Variants in MAP2K6 observed in about 807,000 individuals in gnomAD.
The protein encoded by MAP2K6 is mitogen-activated protein kinase kinase 6.
MAP2K6 carries 16 observed loss-of-function variants against 53.7 expected under a neutral mutation model. The observed-to-expected ratio is 0.30, with a 90% confidence interval of 0.20 to 0.45. The LOEUF (loss-of-function observed/expected upper bound fraction) is 0.45, where lower values mean the gene tolerates loss of function less well. Ranked by LOEUF, MAP2K6 falls within the 20% of genes least tolerant of loss-of-function variation. The probability of loss-of-function intolerance (pLI) is 1.00; values close to 1 mark genes in which losing one functional copy is unlikely to be tolerated. For missense variants in MAP2K6, 204 were observed against 411.9 expected, an observed-to-expected ratio of 0.50 and a Z score of 4.37; for synonymous variants, 132 against 143.1, an observed-to-expected ratio of 0.92 and a Z score of 0.55.
intron 10 of MAP2K6, among the ~76,000 whole-genome samples, chr17:69,529,835 A>C (rs542077280): frequency 7.4e-4 from 112 of 152,204 alleles, no homozygotes; most frequent in Non-Finnish European, 1.2e-3. Context: ...TAATGTATGC[A>C]CACATATATG....
intron 1 of MAP2K6, among the ~76,000 whole-genome samples, chr17:69,424,313 C>T (rs959691608): frequency 6.6e-6 from 1 of 152,204 alleles, no homozygotes; most frequent in Non-Finnish European, 1.5e-5. Context: ...TTGTTCACCA[C>T]ATCCAGAATG....
intron 1 of MAP2K6, among the ~76,000 whole-genome samples, chr17:69,469,608 A>G (rs1411422357): frequency 6.6e-6 from 1 of 152,032 alleles, no homozygotes; most frequent in Non-Finnish European, 1.5e-5. Flanking sequence ...CGAAAAATAC[A>G]AAAAATTAGC....
chr17:69,460,871 A>G (rs966447265), intron 1 of MAP2K6, among the ~76,000 whole-genome samples: 2 of 152,160 alleles, frequency 1.3e-5, no homozygotes, highest in African/African-American at 4.8e-5. Context: ...AGGTGCTGGG[A>G]TTACAGGCCT....
At chr17:69,472,229 A>T (rs1359766832) in intron 1 of MAP2K6, among the ~76,000 whole-genome samples, 1 of 152,174 alleles carries the variant, frequency 6.6e-6, no homozygotes, top group Admixed American at 6.5e-5. Flanking sequence ...AGCATTAAGC[A>T]CCATACTCCC....
rs992889674 is a variant in MAP2K6, at chr17:69,414,828, A to C, written c.-157A>C. Reference sequence around the variant, plus strand: ...TTGCAAGGTGTGCATTTCCATCTTGATTCCCTGAAAGTCCATCTGCTGCAT... The same window carrying C: ...TTGCAAGGTGTGCATTTCCATCTTGCTTCCCTGAAAGTCCATCTGCTGCAT... On this transcript the variant is annotated 5_prime_UTR_variant, in exon 1 of 12. Transcript: ENST00000590474. The C allele has an allele frequency of 1.5e-6, 1 of 659,698 alleles. No homozygotes were observed. Among genetic ancestry groups the C allele is most frequent in the African/African-American group, 1.8e-5 (1 of 55,120 alleles). The allele number at this position is 659,698 out of a possible 1,614,324, so 40.9% of individuals were successfully genotyped here. A position where few individuals can be genotyped will look rare whatever the true frequency, so the allele number is the denominator to read the frequency against.
intron 1 of MAP2K6, among the ~76,000 whole-genome samples, chr17:69,467,425 A>T (rs1283810454): frequency 6.6e-6 from 1 of 152,246 alleles, no homozygotes; most frequent in African/African-American, 2.4e-5. Flanking sequence ...GTAGCCAGGA[A>T]GGCTTGAGAT....
At chr17:69,421,528 T>G (rs906422786) in intron 1 of MAP2K6, among the ~76,000 whole-genome samples, 1 of 151,530 alleles carries the variant, frequency 6.6e-6, no homozygotes, top group Non-Finnish European at 1.5e-5. Context: ...CAATCCTTTT[T>G]TTGTTGTTGT....
In MAP2K6 at chr17:69,549,068, A is replaced by T. The variant is rs1307985627; in HGVS notation, c.*7315A>T. 6.6e-6 allele frequency: 1 copy of T among 152,192 alleles called. No homozygotes were observed. The highest frequency in any genetic ancestry group is 1.5e-5 in the Non-Finnish European group (1 of 68,016). The allele number at this position is 152,192 out of a possible 1,614,324, so 9.4% of individuals were successfully genotyped here. A position where few individuals can be genotyped will look rare whatever the true frequency, so the allele number is the denominator to read the frequency against. On this transcript the variant is annotated 3_prime_UTR_variant, in exon 12 of 12. Coordinates refer to ENST00000590474, the MANE Select transcript of MAP2K6 (RefSeq NM_002758.4). ...AAAATACTCAGCCTAATTCCTTGGG[A>T]CTTTCAGTATCTTGACATCACTTGT...
At chr17:69,429,172 C>T (rs12601741) in intron 1 of MAP2K6, among the ~76,000 whole-genome samples, 12,638 of 151,602 alleles carry the variant, frequency 0.083, 1,028 homozygotes, top group East Asian at 0.43. Flanking sequence ...GCTGGTGGCT[C>T]ATGCCTGTAA....
rs542257370 is a variant in MAP2K6, at chr17:69,529,745, C to T, written c.881+3036C>T. Among the ~76,000 whole-genome samples the T allele has an allele frequency of 1.3e-3, 196 of 152,080 alleles. 1 individual carries two copies. Among genetic ancestry groups the T allele is most frequent in the African/African-American group, 4.6e-3 (189 of 41,518 alleles). On this transcript the variant is annotated intron_variant, in intron 10 of 11. Transcript: ENST00000590474. Reference sequence around the variant, plus strand: ...CAGGATGGTCTCGATCTCCTGACCTCGTGATCTGCCCCGCCTCAGCCTCCC... The same window carrying T: ...CAGGATGGTCTCGATCTCCTGACCTTGTGATCTGCCCCGCCTCAGCCTCCC...
chr17:69,537,467 A>G (rs1034092715), intron 11 of MAP2K6, among the ~76,000 whole-genome samples: 1 of 152,202 alleles, frequency 6.6e-6, no homozygotes, highest in African/African-American at 2.4e-5. Flanking sequence ...GCTGTCTTCA[A>G]GACCAACTCA....
Position 69,541,883 on chromosome 17 carries a change from C to CTCCCCCTCTTAAGGGGG in MAP2K6, c.*130_*131insTCCCCCTCTTAAGGGGG. ...CCCTGCCTCTCAGAGGGTTTTCTCT[C>CTCCCCCTCTTAAGGGGG]CCAATTTTCTTTTTACTCCCCCTCT... On this transcript the variant is annotated 3_prime_UTR_variant, in exon 12 of 12. Transcript: ENST00000590474. The CTCCCCCTCTTAAGGGGG allele has an allele frequency of 3.1e-6, 2 of 647,462 alleles. No individual in the cohort carries two copies. Among genetic ancestry groups the CTCCCCCTCTTAAGGGGG allele is most frequent in the Admixed American group, 6.1e-5 (2 of 32,994 alleles). The allele number at this position is 647,462 out of a possible 1,614,324, so 40.1% of individuals were successfully genotyped here.
At chr17:69,456,696 C>G (rs1907420500) in intron 1 of MAP2K6, among the ~76,000 whole-genome samples, 1 of 152,160 alleles carries the variant, frequency 6.6e-6, no homozygotes, top group African/African-American at 2.4e-5. Context: ...TATTTCTACC[C>G]AGAGATGTCT....
intron 1 of MAP2K6, among the ~76,000 whole-genome samples, chr17:69,429,528 A>AAG (rs1906387895): frequency 6.6e-6 from 1 of 152,144 alleles, no homozygotes; most frequent in South Asian, 2.1e-4. Context: ...TAAAAAAAAA[A>AAG]GTATTCATGT....
intron 1 of MAP2K6, among the ~76,000 whole-genome samples, chr17:69,472,500 C>T (rs184888083): frequency 6.6e-6 from 1 of 152,182 alleles, no homozygotes; most frequent in African/African-American, 2.4e-5. Flanking sequence ...CAAATTTCCT[C>T]TTACATCTCA....
At chr17:69,501,506 A>T (rs1038385879) in intron 1 of MAP2K6, among the ~76,000 whole-genome samples, 3 of 152,076 alleles carry the variant, frequency 2.0e-5, no homozygotes, top group South Asian at 2.1e-4. Flanking sequence ...AAGGCTTTTT[A>T]AATTTTTTTT....
intron 1 of MAP2K6, among the ~76,000 whole-genome samples, chr17:69,466,910 A>G (rs1428616928): frequency 2.0e-5 from 3 of 152,216 alleles, no homozygotes; most frequent in African/African-American, 7.2e-5. Flanking sequence ...TCTGGGAAAT[A>G]TATGCAGAGC....
intron 1 of MAP2K6, among the ~76,000 whole-genome samples, chr17:69,421,997 C>T (rs1365138072): frequency 2.6e-5 from 4 of 152,074 alleles, no homozygotes; most frequent in Non-Finnish European, 4.4e-5. Flanking sequence ...CACTCTGTCT[C>T]CTTTGATGGT....
intron 2 of MAP2K6, among the ~76,000 whole-genome samples, chr17:69,509,108 A>T (rs533133140): frequency 6.6e-6 from 1 of 152,162 alleles, no homozygotes; most frequent in Admixed American, 6.5e-5. Context: ...CTCTTTTCAT[A>T]TAAGTTTTAG....
Sources: allele counts gnomAD v4.1 joint callset (sites outside exome capture counted in the v4.1 genomes callset), GRCh38; gene constraint gnomAD v4.1.1; transcripts MANE v1.5; gene names NCBI Gene and HGNC (gene_info 2026-07-23, HGNC 2026-07-21).